Variants in DCN observed in about 807,000 individuals in gnomAD.
The protein encoded by DCN is bone proteoglycan II.
In DCN, 17 loss-of-function variants were observed where a neutral mutation model predicts 36.5. The ratio of observed to expected loss-of-function variants is 0.47; its 90% CI spans 0.32 to 0.70. The LOEUF (loss-of-function observed/expected upper bound fraction) is 0.70, where lower values mean the gene tolerates loss of function less well. Among genes scored for constraint, DCN ranks in the 30% least tolerant of loss-of-function variants. The pLI is 0.04. For missense variants in DCN, 389 were observed against 430.1 expected (o/e 0.90, Z 0.84); for synonymous variants, 163 against 161.4 (o/e 1.01, Z -0.07).
intron 1 of DCN, among the ~76,000 whole-genome samples, chr12:91,181,292 A>C (rs1164087153): frequency 6.6e-6 from 1 of 152,048 alleles, no homozygotes; most frequent in African/African-American, 2.4e-5. Context: ...CCATAAAATC[A>C]TCTGTTTTAA....
chr12:91,174,099 T>TA (rs1178353890), intron 2 of DCN, among the ~76,000 whole-genome samples: 41 of 152,204 alleles, frequency 2.7e-4, no homozygotes, highest in Admixed American at 2.5e-3. Flanking sequence ...TGTGGGGGTA[T>TA]GAATCACTTA....
chr12:91,156,268 T>C (rs1325693025), intron 5 of DCN, among the ~76,000 whole-genome samples: 1 of 152,190 alleles, frequency 6.6e-6, no homozygotes, highest in African/African-American at 2.4e-5. Flanking sequence ...TAAAGGCATG[T>C]AGCATATCCT....
chr12:91,154,289 A>G (rs1309774295), intron 5 of DCN, among the ~76,000 whole-genome samples: 2 of 152,138 alleles, frequency 1.3e-5, no homozygotes, highest in Non-Finnish European at 2.9e-5. Flanking sequence ...TATTTATTGT[A>G]TGTCTGTTAC....
chr12:91,182,170 G>T (rs1232490401), intron 1 of DCN, among the ~76,000 whole-genome samples: 1 of 151,898 alleles, frequency 6.6e-6, no homozygotes, highest in Non-Finnish European at 1.5e-5. Flanking sequence ...TCATTTCTGG[G>T]GTTGAAGAAA....
rs777864432 is a variant in DCN at position 91,178,420 on chromosome 12, C to T, written c.133G>A (p.Asp45Asn). ...ACTGGGCCTAGGGAGGGCTCGAAGT[C>T]GCGGTCATCAGGAACTTCTGGGCCT... Reference protein sequence around the residue: ...GIGPEVPDDRDFEPSLGPVCP... With the variant: ...GIGPEVPDDRNFEPSLGPVCP... Residue 45 changes from aspartate to asparagine, a missense_variant, in exon 2 of 8, where the codon GAC becomes AAC. By Grantham distance (23) the Asp-to-Asn change is conservative (BLOSUM62 1). Coordinates refer to ENST00000052754, the MANE Select transcript of DCN (RefSeq NM_001920.5). 9.3e-6 allele frequency: 15 copies of T among 1,613,882 alleles called. No homozygotes were observed. In the East Asian group the frequency reaches 1.8e-4, roughly 19 times the overall value.
intron 6 of DCN, among the ~76,000 whole-genome samples, chr12:91,152,544 A>T (rs1592682090): frequency 6.6e-6 from 1 of 152,142 alleles, no homozygotes; most frequent in African/African-American, 2.4e-5. Flanking sequence ...AAAAAAAATC[A>T]TTAAGAAGGG....
intron 1 of DCN, among the ~76,000 whole-genome samples, chr12:91,181,153 A>T (rs77076476): frequency 4.3e-5 from 5 of 116,824 alleles, no homozygotes; most frequent in Admixed American, 8.3e-5. Flanking sequence ...TGTGTGTGAG[A>T]GAGAGAGAAT....
rs559639442 is a variant in DCN at position 91,143,297 on chromosome 12, T to G, written c.*2761A>C. On this transcript the variant is annotated 3_prime_UTR_variant, in exon 8 of 8. Transcript: ENST00000052754. ...TTCTGTTGTTTTAAGCCACCCAGTT[T>G]TTGGTACTTTATTATAGCAGCTGTG... 6.6e-6 allele frequency: 1 copy of G among 152,304 alleles called. No homozygotes were observed. The highest frequency in any genetic ancestry group is 2.1e-4 in the South Asian group (1 of 4,828). 9.4% of individuals were successfully genotyped at this position (152,304 alleles called of 1,614,324 possible).
intron 2 of DCN, chr12:91,177,473 C>A (rs997020092): frequency 1.5e-6 from 1 of 650,768 alleles, no homozygotes; most frequent in Non-Finnish European, 2.7e-6. Flanking sequence ...TTTTCATCTC[C>A]AGTAAGAAAA....
At chr12:91,172,952 A>G (rs1390260052) in intron 2 of DCN, 6 of 475,772 alleles carry the variant, frequency 1.3e-5, no homozygotes, top group Non-Finnish European at 2.2e-5. Context: ...TGATTATTAT[A>G]GAATAATCAA....
chr12:91,163,601 A>G (rs565299889), intron 3 of DCN, among the ~76,000 whole-genome samples: 9 of 152,296 alleles, frequency 5.9e-5, no homozygotes, highest in Admixed American at 5.9e-4. Flanking sequence ...TGTGAGTGGC[A>G]TCTCTTTTCT....
At chr12:91,151,563 A>C (rs776073955) in intron 7 of DCN, 91 bp downstream of exon 7, 5 of 1,503,406 alleles carry the variant, frequency 3.3e-6, no homozygotes, top group African/African-American at 1.4e-5. Flanking sequence ...AAAAACTTCT[A>C]AGAAGAGCTT....
At chr12:91,155,296 C>T (rs3138252) in intron 5 of DCN, among the ~76,000 whole-genome samples, 2,419 of 152,150 alleles carry the variant, frequency 0.016, 59 homozygotes, top group African/African-American at 0.054. Flanking sequence ...TATATAGGGA[C>T]GTTGTAAGAA....
At chr12:91,177,736 A>C (rs1321193719) in intron 2 of DCN, 2 of 695,436 alleles carry the variant, frequency 2.9e-6, no homozygotes, top group Admixed American at 4.0e-5. Flanking sequence ...TTCCTTTGAA[A>C]CTTTCTAAAG....
At chr12:91,177,429 C>T in intron 2 of DCN, 1 of 609,808 alleles carries the variant, frequency 1.6e-6, no homozygotes, top group Non-Finnish European at 2.9e-6. Flanking sequence ...AGGAAGTACA[C>T]ATGGCGGAAT....
At chr12:91,173,723 C>G (rs921469137) in intron 2 of DCN, among the ~76,000 whole-genome samples, 4 of 152,200 alleles carry the variant, frequency 2.6e-5, no homozygotes, top group Admixed American at 2.6e-4. Flanking sequence ...CTGTCTGTTC[C>G]TCTACAAAAT....
In DCN at chr12:91,142,212, C is replaced by T. The variant is rs997015864; in HGVS notation, c.*3846G>A. ...ATCAAGAGTGAAATAACTGCAATGT[C>T]GACTCAGCAACCTCGAATGTCTGTG... On this transcript the variant is annotated 3_prime_UTR_variant, in exon 8 of 8. Coordinates refer to ENST00000052754, the MANE Select transcript of DCN (RefSeq NM_001920.5). 6 of 152,112 alleles carry T rather than the reference C, an allele frequency of 3.9e-5. No individual in the cohort carries two copies. The highest frequency in any genetic ancestry group is 7.3e-5 in the Non-Finnish European group (5 of 68,034). 9.4% of individuals were successfully genotyped at this position (152,112 alleles called of 1,614,324 possible). A position where few individuals can be genotyped will look rare whatever the true frequency, so the allele number is the denominator to read the frequency against.
chr12:91,161,743 A>G (rs760638052), intron 3 of DCN, among the ~76,000 whole-genome samples: 6 of 152,302 alleles, frequency 3.9e-5, no homozygotes, highest in East Asian at 3.9e-4. Context: ...CTTCTTGTAC[A>G]GAAAGTCCTT....
At position 91,164,719 on chromosome 12, in the gene DCN, TA is replaced by T; in HGVS notation, c.212-3del. ...GATCCTTTGGCACTTTGTCCAGACC[TA>T]GCATAAGAGTAATAGGAGTGTGCTG... On this transcript the variant is annotated splice_region_variant and splice_polypyrimidine_tract_variant and intron_variant, in intron 2 of 7. Transcript: ENST00000052754. 1 of 1,529,102 alleles carries T rather than the reference TA, an allele frequency of 6.5e-7. No homozygotes were observed. Among genetic ancestry groups the T allele is most frequent in the Non-Finnish European group, 9.1e-7 (1 of 1,102,398 alleles). 94.7% of individuals were successfully genotyped at this position (1,529,102 alleles called of 1,614,324 possible).
Sources: allele counts gnomAD v4.1 joint callset (sites outside exome capture counted in the v4.1 genomes callset), GRCh38; gene constraint gnomAD v4.1.1; transcripts MANE v1.5; gene names NCBI Gene and HGNC (gene_info 2026-07-23, HGNC 2026-07-21).